The following METTL9 variants were observed in gnomAD, a reference collection of about 807,000 sequenced individuals.
METTL9 encodes protein-L-histidine N-pros-methyltransferase.
A neutral mutation model predicts 36.0 loss-of-function variants in METTL9; 10 were observed. That is an observed-to-expected ratio of 0.28 (90% CI 0.17 to 0.47). The LOEUF (loss-of-function observed/expected upper bound fraction) is 0.47, where lower values mean the gene tolerates loss of function less well. Ranked by LOEUF, METTL9 falls within the 20% of genes least tolerant of loss-of-function variation. METTL9 has a pLI of 0.99. For synonymous variants in METTL9, 175 were observed against 149.7 expected (o/e 1.17, Z -1.23); for missense variants, 246 against 383.5 (o/e 0.64, Z 3.00).
chr16:21,647,038 A>T (rs779483795), intron 4 of METTL9: 1 of 1,546,328 alleles, frequency 6.5e-7, no homozygotes, highest in South Asian at 1.1e-5. Context: ...AACTTAGCAA[A>T]TTTATCTCCT....
At chr16:21,603,435 A>G (rs751690061) in intron 1 of METTL9, among the ~76,000 whole-genome samples, 7 of 152,176 alleles carry the variant, frequency 4.6e-5, no homozygotes, top group Non-Finnish European at 1.0e-4. Context: ...CACTGCAACC[A>G]GCCTCCAACA....
intron 1 of METTL9, among the ~76,000 whole-genome samples, chr16:21,606,215 T>G (rs1965283241): frequency 6.6e-6 from 1 of 152,058 alleles, no homozygotes; most frequent in South Asian, 2.1e-4. Context: ...CACGTGCCTG[T>G]AATCCCAGCT....
At chr16:21,654,038 T>G (rs900559940) in intron 4 of METTL9, 1 of 121,050 alleles carries the variant, frequency 8.3e-6, no homozygotes, top group Non-Finnish European at 1.7e-5. Context: ...TCTGTTTTGT[T>G]TTTTTTTTTT....
rs150450749 is a variant in METTL9 at position 21,627,421 on chromosome 16, A to G, written c.751+2306A>G. 4.4e-5 allele frequency: 43 copies of G among 980,144 alleles called. No homozygotes were observed. The East Asian group carries it at 4.6e-3, about 104-fold the overall frequency. The allele number at this position is 980,144 out of a possible 1,614,324, so 60.7% of individuals were successfully genotyped here. A position where few individuals can be genotyped will look rare whatever the true frequency, so the allele number is the denominator to read the frequency against. ...AAAAAAATGAAAAAAATACCATTCTAATTTCAGTTTATTTGGTTTACTGAC... is the reference window on the plus strand; with the variant it reads ...AAAAAAATGAAAAAAATACCATTCTGATTTCAGTTTATTTGGTTTACTGAC... On this transcript the variant is annotated intron_variant, in intron 4 of 4. Coordinates refer to ENST00000358154, the MANE Select transcript of METTL9 (RefSeq NM_016025.5).
intron 4 of METTL9, among the ~76,000 whole-genome samples, chr16:21,630,661 G>T (rs1371027466): frequency 6.6e-6 from 1 of 152,160 alleles, no homozygotes; most frequent in Non-Finnish European, 1.5e-5. Context: ...GGGCCAGCGG[G>T]TTGGTCCAGG....
intron 4 of METTL9, chr16:21,652,499 T>G (rs1263329941): frequency 6.4e-7 from 1 of 1,550,890 alleles, no homozygotes; most frequent in Admixed American, 1.8e-5. Context: ...TTGATTTAAA[T>G]AAAATGAAGG....
At chr16:21,606,100 G>A (rs146637038) in intron 1 of METTL9, among the ~76,000 whole-genome samples, 1,737 of 152,248 alleles carry the variant, frequency 0.011, 48 homozygotes, top group African/African-American at 0.04. Context: ...ACTATGGGAG[G>A]CTGAGGTGGG....
At chr16:21,616,579 C>T (rs1965559621) in intron 2 of METTL9, among the ~76,000 whole-genome samples, 2 of 152,074 alleles carry the variant, frequency 1.3e-5, no homozygotes, top group South Asian at 4.1e-4. Context: ...GTTAAACTCC[C>T]CTCAGTCTCT....
At chr16:21,625,275 G>A in intron 4 of METTL9, 160 bp downstream of exon 4, 1 of 774,932 alleles carries the variant, frequency 1.3e-6, no homozygotes, top group Non-Finnish European at 2.1e-6. Context: ...CTTGGTTAAT[G>A]TTCACCTTAA....
At position 21,656,796 on chromosome 16, in the gene METTL9, T is replaced by C. The variant is rs1320460576; in HGVS notation, c.*1364T>C. 6.6e-6 allele frequency: 1 copy of C among 152,196 alleles called. No homozygotes were observed. Among genetic ancestry groups the C allele is most frequent in the Non-Finnish European group, 1.5e-5 (1 of 68,040 alleles). 9.4% of individuals were successfully genotyped at this position (152,196 alleles called of 1,614,324 possible). A position where few individuals can be genotyped will look rare whatever the true frequency, so the allele number is the denominator to read the frequency against. Reference sequence around the variant, plus strand: ...TAAAACCTGAAGAATTACTTTATTATTCATTAAGAACTGCATTCCCACATC... The same window carrying C: ...TAAAACCTGAAGAATTACTTTATTACTCATTAAGAACTGCATTCCCACATC... On this transcript the variant is annotated 3_prime_UTR_variant, in exon 5 of 5. Transcript: ENST00000358154.
At chr16:21,597,337 A>G (rs535889710), upstream of METTL9, 4,386 of 1,249,288 alleles carry the variant, frequency 3.5e-3, 15 homozygotes, top group Non-Finnish European at 4.4e-3. Flanking sequence ...CTTCAGGCAA[A>G]TCATTTGATC....
At chr16:21,618,166 T>A (rs369151266) in intron 3 of METTL9, 92 bp downstream of exon 3, 2 of 988,246 alleles carry the variant, frequency 2.0e-6, no homozygotes, top group African/African-American at 3.4e-5. Flanking sequence ...ATTAGAAATT[T>A]AAAAAATCAT....
chr16:21,640,811 G>A (rs1225706477), intron 4 of METTL9: 2 of 150,936 alleles, frequency 1.3e-5, no homozygotes, highest in South Asian at 2.1e-4. Flanking sequence ...TATTACAAAC[G>A]TGCTTGTAAA....
intron 4 of METTL9, among the ~76,000 whole-genome samples, chr16:21,637,181 A>G (rs1966121073): frequency 6.6e-6 from 1 of 152,146 alleles, no homozygotes; most frequent in African/African-American, 2.4e-5. Context: ...GGCCCCACCA[A>G]CATCCTGCTG....
chr16:21,655,142 C>T (rs1167902858), intron 4 of METTL9, 85 bp from the exon 5 acceptor site: 5 of 1,261,636 alleles, frequency 4.0e-6, no homozygotes, highest in Middle Eastern at 2.4e-4. Flanking sequence ...GTACCAAGTC[C>T]TTGGTAGATA....
chr16:21,613,526 G>A (rs762429103), intron 2 of METTL9, among the ~76,000 whole-genome samples: 27 of 152,122 alleles, frequency 1.8e-4, no homozygotes, highest in Non-Finnish European at 2.9e-4. Context: ...GATGCTGAAT[G>A]CTGCTGGTTC....
At chr16:21,627,272 T>G in intron 4 of METTL9, 1 of 985,422 alleles carries the variant, frequency 1.0e-6, no homozygotes, top group Non-Finnish European at 1.2e-6. Flanking sequence ...TATCTGAGTG[T>G]GCTTTGCATA....
At chr16:21,623,058 G>A (rs1965743031) in intron 3 of METTL9, among the ~76,000 whole-genome samples, 1 of 152,112 alleles carries the variant, frequency 6.6e-6, no homozygotes, top group South Asian at 2.1e-4. Flanking sequence ...TCTGAAAGTA[G>A]TCTTCTTAGT....
At chr16:21,638,274 C>T (rs370857703) in intron 4 of METTL9, among the ~76,000 whole-genome samples, 3 of 152,148 alleles carry the variant, frequency 2.0e-5, no homozygotes, top group Admixed American at 1.3e-4. Flanking sequence ...GCCGAGATCA[C>T]GCCATTGTAC....
Sources: gnomAD v4.1 joint callset for allele counts (sites outside exome capture counted in the v4.1 genomes callset) on GRCh38, gnomAD v4.1.1 for gene constraint, MANE v1.5 for transcripts, NCBI Gene and HGNC (gene_info 2026-07-23, HGNC 2026-07-21) for gene names.